KIF26B: variants seen among roughly 807,000 people sequenced by gnomAD.
KIF26B encodes kinesin-like protein KIF26B.
A neutral mutation model predicts 151.2 loss-of-function variants in KIF26B; 63 were observed. The ratio of observed to expected loss-of-function variants is 0.42; its 90% CI spans 0.34 to 0.51. The LOEUF is 0.51. Among genes scored for constraint, KIF26B ranks in the 20% least tolerant of loss-of-function variants. The pLI, the probability that KIF26B is intolerant of heterozygous loss-of-function variation, is 0.07. For missense variants in KIF26B, 2,813 were observed against 2,913.6 expected (o/e 0.97, Z 0.79); for synonymous variants, 1,357 against 1,262.1 (o/e 1.08, Z -1.59).
In KIF26B at chr1:245,367,343, C is replaced by T. The variant is rs150921857; in HGVS notation, c.975C>T (p.Asn325=). ...GCACCTGGTCCCTGTCGAGAACCAACGGGGTCACCCTGTACCCATACCAGG... is the reference window on the plus strand; with the variant it reads ...GCACCTGGTCCCTGTCGAGAACCAATGGGGTCACCCTGTACCCATACCAGG... ...LDGTWSLSRT[N]GVTLYPYQIS... is the part of the protein sequence containing the mutation. The change falls in exon 3 of 15, where the codon AAC becomes AAT. Residue 325 remains asparagine (N), a synonymous_variant. Coordinates refer to ENST00000407071, the MANE Select transcript of KIF26B (RefSeq NM_018012.4). This position sits in a 1 kb window ranked among gnomAD's most constrained non-coding sequence, Gnocchi z 4.2. The T allele has an allele frequency of 9.9e-4, 1,578 of 1,592,974 alleles. 16 individuals carry two copies. The African/African-American group carries it at 0.018, about 18-fold the overall frequency.
intron 2 of KIF26B, among the ~76,000 whole-genome samples, chr1:245,325,245 G>A (rs1671966651): frequency 6.6e-6 from 1 of 151,930 alleles, no homozygotes; most frequent in Non-Finnish European, 1.5e-5. Flanking sequence ...ATATGAAATT[G>A]CCAGGATTCA....
chr1:245,618,602 T>C (rs558060006), intron 9 of KIF26B, among the ~76,000 whole-genome samples: 41 of 142,598 alleles, frequency 2.9e-4, no homozygotes, highest in Admixed American at 5.1e-4. Context: ...TATTAGACTA[T>C]AGGTTCCTTG....
chr1:245,568,360 T>A (rs1447973178), intron 5 of KIF26B, among the ~76,000 whole-genome samples: 2 of 151,316 alleles, frequency 1.3e-5, no homozygotes, highest in Non-Finnish European at 2.9e-5. Context: ...AAATGTTTTT[T>A]AAAAATTAGC....
intron 4 of KIF26B, among the ~76,000 whole-genome samples, chr1:245,524,981 C>T (rs527812250): frequency 6.6e-6 from 1 of 152,224 alleles, no homozygotes; most frequent in East Asian, 1.9e-4. Context: ...GTTCCGTCTT[C>T]CTCTTTACCT....
rs1553341296 is a variant in KIF26B at position 245,283,690 on chromosome 1, A to ATCTT, written c.466-83143_466-83142insCTTT. Among the ~76,000 whole-genome samples, 233 of 141,686 alleles carry ATCTT rather than the reference A, an allele frequency of 1.6e-3. 3 individuals are homozygous for ATCTT. In the East Asian group the frequency reaches 0.034, roughly 21 times the overall value. The allele number at this position is 141,686 out of a possible 152,430, so 93.0% of individuals were successfully genotyped here. ...CATTTACCCTCCACCAAGCTTGAGA[A>ATCTT]TTTTTTTTTTTTTTTGAGGCGGACT... On this transcript the variant is annotated intron_variant, in intron 2 of 14. Transcript: ENST00000407071.
chr1:245,333,679 T>G (rs1357134947), intron 2 of KIF26B, among the ~76,000 whole-genome samples: 2 of 152,186 alleles, frequency 1.3e-5, no homozygotes, highest in Non-Finnish European at 2.9e-5. Context: ...ATCCTAACCT[T>G]GAACCTCTCC....
chr1:245,308,946 G>C (rs906828872), intron 2 of KIF26B, among the ~76,000 whole-genome samples: 4 of 152,200 alleles, frequency 2.6e-5, no homozygotes, highest in African/African-American at 9.7e-5. Context: ...AGTGGGTAAA[G>C]GAGTCAGTGA....
intron 4 of KIF26B, among the ~76,000 whole-genome samples, chr1:245,442,149 C>A (rs980440768): frequency 1.3e-5 from 2 of 152,166 alleles, no homozygotes; most frequent in Admixed American, 6.5e-5. Flanking sequence ...GAAAACAGAG[C>A]CCTAGACTCC....
rs367635544 is a variant in KIF26B, at chr1:245,561,886, A to G, written c.1350+20936A>G. Among the ~76,000 whole-genome samples the G allele has an allele frequency of 1.2e-3, 183 of 152,272 alleles. 2 individuals are homozygous for G. In the South Asian group the frequency reaches 0.03, roughly 25 times the overall value. The stretch of plus-strand genomic sequence containing the variant: ...CCACCTGATTCTCACTACTGACGTA[A>G]ATGTCAGAGGTGGTCCTGCCTCTTC... On this transcript the variant is annotated intron_variant, in intron 5 of 14. Coordinates refer to ENST00000407071, the MANE Select transcript of KIF26B (RefSeq NM_018012.4).
intron 2 of KIF26B, among the ~76,000 whole-genome samples, chr1:245,276,622 C>T (rs550882861): frequency 4.6e-5 from 7 of 152,170 alleles, no homozygotes; most frequent in Non-Finnish European, 1.0e-4. Flanking sequence ...CCGGGAGAAG[C>T]GAGGAGCTGG....
At chr1:245,440,141 A>ATCTC (rs1659038776) in intron 4 of KIF26B, among the ~76,000 whole-genome samples, 1 of 152,128 alleles carries the variant, frequency 6.6e-6, no homozygotes, top group East Asian at 1.9e-4. Flanking sequence ...GAATGGCGTG[A>ATCTC]ACCTGGGAGG....
chr1:245,616,049 T>C (rs1375715696), intron 9 of KIF26B, among the ~76,000 whole-genome samples: 1 of 152,242 alleles, frequency 6.6e-6, no homozygotes, highest in Non-Finnish European at 1.5e-5. Flanking sequence ...TGTGTGCGCC[T>C]CTGAATCTCA....
chr1:245,177,665 G>GGTGTGTGTGT (rs111597803), intron 2 of KIF26B, among the ~76,000 whole-genome samples: 1 of 149,068 alleles, frequency 6.7e-6, no homozygotes, highest in African/African-American at 2.5e-5. Context: ...TGTCCTTAGG[G>GGTGTGTGTGT]GTGTGTGTGT....
At position 245,511,029 on chromosome 1, in the gene KIF26B, G is replaced by A. The variant is rs1215741807; in HGVS notation, c.1167-29738G>A. 12 of 709,496 alleles carry A rather than the reference G, an allele frequency of 1.7e-5. No homozygotes were observed. The East Asian group carries it at 3.2e-4, about 19-fold the overall frequency. The allele number at this position is 709,496 out of a possible 1,614,324, so 44.0% of individuals were successfully genotyped here. A position where few individuals can be genotyped will look rare whatever the true frequency, so the allele number is the denominator to read the frequency against. ...CTGAGATGGCCCCAGATCTGCAAGA[G>A]ACATTTGAGAGAAGCTATTTATTAG... On this transcript the variant is annotated intron_variant, in intron 4 of 14. Transcript: ENST00000407071.
At chr1:245,652,603 G>A (rs1457889229) in intron 10 of KIF26B, among the ~76,000 whole-genome samples, 2 of 152,156 alleles carry the variant, frequency 1.3e-5, no homozygotes, top group Admixed American at 6.5e-5. Context: ...AATTCTGCCA[G>A]GCTCATTATA....
intron 11 of KIF26B, 136 bp downstream of exon 11, chr1:245,684,531 G>C (rs541356161): frequency 1.1e-6 from 1 of 921,296 alleles, no homozygotes. Context: ...CTGACAACAC[G>C]TGGCTCAGGG....
chr1:245,227,014 G>A lies in KIF26B; in HGVS notation c.465+70331G>A, dbSNP rs1250052627. ...CATCTTTCAGATTCTTGAAAGACAG[G>A]CAGCTTGTTTCGAATGACCCACAGG... On this transcript the variant is annotated intron_variant, in intron 2 of 14. Coordinates refer to ENST00000407071, the MANE Select transcript of KIF26B (RefSeq NM_018012.4). This position sits in a 1 kb window ranked among gnomAD's most constrained non-coding sequence, Gnocchi z 4.1. 6.6e-6 allele frequency among the ~76,000 whole-genome samples: 1 copy of A among 152,136 alleles called. No individual in the cohort carries two copies. Among genetic ancestry groups the A allele is most frequent in the Non-Finnish European group, 1.5e-5 (1 of 68,024 alleles).
At chr1:245,616,079 T>C (rs1384354358) in intron 9 of KIF26B, among the ~76,000 whole-genome samples, 2 of 152,250 alleles carry the variant, frequency 1.3e-5, no homozygotes, top group Non-Finnish European at 2.9e-5. Flanking sequence ...ATGCATTTTA[T>C]ACATTTTACA....
intron 4 of KIF26B, among the ~76,000 whole-genome samples, chr1:245,425,866 C>T (rs1658633694): frequency 6.6e-6 from 1 of 152,188 alleles, no homozygotes; most frequent in Non-Finnish European, 1.5e-5. Flanking sequence ...CGTTGGTGAG[C>T]ACAGAGACTT....
Sources: gnomAD v4.1 joint callset for allele counts (sites outside exome capture counted in the v4.1 genomes callset) on GRCh38, gnomAD v4.1.1 for gene constraint, Gnocchi (gnomAD v3.1) non-coding constraint, MANE v1.5 for transcripts, NCBI Gene and HGNC (gene_info 2026-07-23, HGNC 2026-07-21) for gene names.